ATXN7: variants seen among roughly 807,000 people sequenced by gnomAD.
ATXN7 encodes the protein ataxin 7, also known as ataxin-7.
A neutral mutation model predicts 70.5 loss-of-function variants in ATXN7; 12 were observed. The observed-to-expected ratio is 0.17, with a 90% confidence interval of 0.11 to 0.28. The LOEUF is 0.28. Among genes scored for constraint, ATXN7 ranks in the 10% least tolerant of loss-of-function variants. ATXN7 has a pLI of 1.00. For missense variants in ATXN7, 1,256 were observed against 1,131.7 expected (o/e 1.11, Z -1.58); for synonymous variants, 498 against 448.7 (o/e 1.11, Z -1.39).
At chr3:63,871,864 TAAAA>T (rs141661643) in intron 1 of ATXN7, among the ~76,000 whole-genome samples, 1 of 149,674 alleles carries the variant, frequency 6.7e-6, no homozygotes, top group South Asian at 2.1e-4. Context: ...TTTTTAAATT[TAAAA>T]AAAAAACAGA....
chr3:63,897,237 A>T (rs911524498), intron 1 of ATXN7, among the ~76,000 whole-genome samples: 1 of 152,190 alleles, frequency 6.6e-6, no homozygotes, highest in African/African-American at 2.4e-5. Context: ...AATCAGAGAA[A>T]TTTTTTAAAA....
At chr3:63,892,491 A>C (rs1048705093) in intron 1 of ATXN7, among the ~76,000 whole-genome samples, 142 of 148,528 alleles carry the variant, frequency 9.6e-4, no homozygotes, top group African/African-American at 2.8e-3. Flanking sequence ...ACACACACAC[A>C]CACCCACACA....
intron 5 of ATXN7, among the ~76,000 whole-genome samples, chr3:63,964,316 G>A (rs942942564): frequency 6.6e-6 from 1 of 152,078 alleles, no homozygotes; most frequent in South Asian, 2.1e-4. Context: ...CTTATGCTAG[G>A]ATTCCCCTGT....
intron 1 of ATXN7, among the ~76,000 whole-genome samples, chr3:63,888,962 A>T (rs986635520): frequency 6.6e-6 from 1 of 152,160 alleles, no homozygotes; most frequent in Non-Finnish European, 1.5e-5. Flanking sequence ...TAGCATTTTA[A>T]AAAGAATTTT....
rs747587822 is a variant in ATXN7 at position 63,912,803 on chromosome 3, T to C, written c.205T>C (p.Ser69Pro). 15 of 1,559,188 alleles carry C rather than the reference T, an allele frequency of 9.6e-6. No individual in the cohort carries two copies. Among genetic ancestry groups the C allele is most frequent in the Non-Finnish European group, 8.6e-7 (1 of 1,156,372 alleles). ...RPEDGGPGAA[S>P]TSAAAMATVG... is the part of the protein sequence containing the mutation. ...GGAGGACGGCGGGCCCGGCGCCGCC[T>C]CCACCTCGGCCGCCGCAATGGCGAC... is the stretch of plus-strand genomic sequence containing the variant. Residue 69 changes from serine to proline, a missense_variant, in exon 3 of 13, where the codon TCC becomes CCC. Physicochemically the swap from Ser to Pro is moderately conservative, Grantham distance 74. Transcript: ENST00000674280.
chr3:63,975,746 G>T (rs1207749562), intron 5 of ATXN7, among the ~76,000 whole-genome samples: 2 of 152,150 alleles, frequency 1.3e-5, no homozygotes, highest in Non-Finnish European at 2.9e-5. Context: ...CCTATAGAGA[G>T]CTGTCCACCC....
At position 64,003,205 on chromosome 3, in the gene ATXN7, C is replaced by CTTTTTTTTTTTTTTTTTTTTTT. The variant is rs754267860; in HGVS notation, c.*3741_*3762dup. On this transcript the variant is annotated 3_prime_UTR_variant, in exon 13 of 13. Coordinates refer to ENST00000674280, the MANE Select transcript of ATXN7 (RefSeq NM_001377405.1). ...AATGTAGGGCCTTGAAAGCATTTTG[C>CTTTTTTTTTTTTTTTTTTTTTT]TTTTTTTTTTTTTTTTTTTTTTTTG... 1 of 75,514 alleles carries CTTTTTTTTTTTTTTTTTTTTTT rather than the reference C, an allele frequency of 1.3e-5. No homozygotes were observed. Among genetic ancestry groups the CTTTTTTTTTTTTTTTTTTTTTT allele is most frequent in the Non-Finnish European group, 2.5e-5 (1 of 40,442 alleles). The allele number at this position is 75,514 out of a possible 1,614,324, so 4.7% of individuals were successfully genotyped here. A position where few individuals can be genotyped will look rare whatever the true frequency, so the allele number is the denominator to read the frequency against.
intron 5 of ATXN7, among the ~76,000 whole-genome samples, chr3:63,965,663 C>T (rs2075209810): frequency 1.3e-5 from 2 of 152,086 alleles, no homozygotes; most frequent in Admixed American, 6.5e-5. Flanking sequence ...CAATTAACGT[C>T]TGAGCCATCA....
chr3:63,988,160 T>A lies in ATXN7; in HGVS notation c.1197T>A (p.Ile399=). The A allele has an allele frequency of 6.2e-7, 1 of 1,614,070 alleles. No individual in the cohort carries two copies. ...ACAAAACCAGGGAAAAGGAATTGAT[T>A]CGCCATCCGGACTCTCAGCAACCAC... is the stretch of plus-strand genomic sequence containing the variant. The part of the protein sequence containing the change: ...HKNKTREKEL[I]RHPDSQQPPQ... The change falls in exon 9 of 13, where the codon ATT becomes ATA. Residue 399 remains isoleucine (I), a synonymous_variant. Transcript: ENST00000674280.
At chr3:63,916,626 G>A (rs569296638) in intron 4 of ATXN7, among the ~76,000 whole-genome samples, 1 of 152,220 alleles carries the variant, frequency 6.6e-6, no homozygotes, top group East Asian at 1.9e-4. Context: ...ACCTACCCAA[G>A]GCAAGAATAC....
chr3:63,977,836 A>T (rs1323746782), intron 5 of ATXN7, among the ~76,000 whole-genome samples: 1 of 152,202 alleles, frequency 6.6e-6, no homozygotes, highest in African/African-American at 2.4e-5. Flanking sequence ...TAGAGTAAGG[A>T]GGAGGAGATG....
chr3:63,967,678 A>G (rs552013299), intron 5 of ATXN7: 1 of 927,788 alleles, frequency 1.1e-6, no homozygotes, highest in Non-Finnish European at 1.4e-6. Context: ...TCCAATAGAA[A>G]GATTAATTTA....
rs548791513 is a variant in ATXN7, at chr3:63,866,850, T to C, written c.-111+2692T>C. 6 of 152,278 alleles carry C rather than the reference T, an allele frequency of 3.9e-5. No individual in the cohort carries two copies. In the South Asian group the frequency reaches 1.2e-3, roughly 32 times the overall value. 9.4% of individuals were successfully genotyped at this position (152,278 alleles called of 1,614,324 possible). On this transcript the variant is annotated intron_variant, in intron 1 of 12. Coordinates refer to ENST00000674280, the MANE Select transcript of ATXN7 (RefSeq NM_001377405.1). ...GTTTCTTCTTTTCAAGACAGATCTT[T>C]ATGGGCAGAAACACAGAAATGGAAG... is the stretch of plus-strand genomic sequence containing the variant.
In ATXN7 at chr3:63,953,494, G is replaced by GT. The variant is rs374396633; in HGVS notation, c.499+1012dup. 3.0e-3 allele frequency among the ~76,000 whole-genome samples: 451 copies of GT among 152,228 alleles called. 3 individuals are homozygous for GT. Among genetic ancestry groups the GT allele is most frequent in the African/African-American group, 0.011 (438 of 41,530 alleles). ...AGCTTGGGAGCACTGGAGGATTTAT[G>GT]TAAGAGAGTAACACAGTCCTATTTC... On this transcript the variant is annotated intron_variant, in intron 5 of 12. Coordinates refer to ENST00000674280, the MANE Select transcript of ATXN7 (RefSeq NM_001377405.1).
chr3:63,922,567 A>C (rs1228807565), intron 4 of ATXN7, among the ~76,000 whole-genome samples: 1 of 152,092 alleles, frequency 6.6e-6, no homozygotes, highest in Non-Finnish European at 1.5e-5. Context: ...TTTTCTGGGC[A>C]AAAAAGGTAA....
chr3:63,959,869 A>G (rs1457413524), intron 5 of ATXN7, among the ~76,000 whole-genome samples: 2 of 151,764 alleles, frequency 1.3e-5, no homozygotes, highest in Non-Finnish European at 2.9e-5. Context: ...TTATTCATGC[A>G]TTTAACAAAA....
At chr3:63,863,816 G>GCGGCGC (rs1186448568), upstream of ATXN7, 115 of 1,172,580 alleles carry the variant, frequency 9.8e-5, no homozygotes, top group Non-Finnish European at 1.2e-4. Context: ...GGCGGCGGCG[G>GCGGCGC]CGGCGGCGCA....
chr3:63,994,899 A>G (rs1475338744), intron 11 of ATXN7, among the ~76,000 whole-genome samples: 3 of 152,384 alleles, frequency 2.0e-5, no homozygotes, highest in Non-Finnish European at 4.4e-5. Flanking sequence ...CATTCTTAAC[A>G]GAATCCATTG....
intron 5 of ATXN7, among the ~76,000 whole-genome samples, chr3:63,970,451 T>C (rs73834156): frequency 5.1e-4 from 77 of 152,356 alleles, no homozygotes; most frequent in African/African-American, 1.7e-3. Flanking sequence ...TGATCAACTG[T>C]TGTGACATTC....
Sources: gnomAD v4.1 joint callset for allele counts (sites outside exome capture counted in the v4.1 genomes callset) on GRCh38, gnomAD v4.1.1 for gene constraint, MANE v1.5 for transcripts, NCBI Gene and HGNC (gene_info 2026-07-23, HGNC 2026-07-21) for gene names.